CLN6: variants seen among roughly 807,000 people sequenced by gnomAD.
CLN6 encodes the protein CLN6 transmembrane ER protein, also known as ceroid-lipofuscinosis neuronal protein 6.
CLN6 carries 22 observed loss-of-function variants against 33.3 expected under a neutral mutation model. That is an observed-to-expected ratio of 0.66 (90% CI 0.47 to 0.94). The LOEUF is 0.94. Among genes scored for constraint, CLN6 ranks in the 40% least tolerant of loss-of-function variants. CLN6 has a pLI of 0.00. For missense variants in CLN6, 387 were observed against 417.1 expected, an observed-to-expected ratio of 0.93 and a Z score of 0.63; for synonymous variants, 201 against 174.6, an observed-to-expected ratio of 1.15 and a Z score of -1.19.
upstream of CLN6, among the ~76,000 whole-genome samples, chr15:68,233,754 C>T (rs1892189645): frequency 6.6e-6 from 1 of 152,162 alleles, no homozygotes; most frequent in South Asian, 2.1e-4. The surrounding 1 kb of genome is among the most constrained non-coding windows in gnomAD (Gnocchi z 4.3). Flanking sequence ...AGAGAGGCAG[C>T]CAGGAGGGGC....
intron 1 of CLN6, among the ~76,000 whole-genome samples, chr15:68,252,007 T>C (rs1892384585): frequency 7.1e-6 from 1 of 141,506 alleles, no homozygotes; most frequent in Non-Finnish European, 1.5e-5. Context: ...GGAGTCTTGG[T>C]CTGTCGCCCA....
intron 2 of CLN6, among the ~76,000 whole-genome samples, chr15:68,217,058 G>C (rs2093222420): frequency 6.6e-6 from 1 of 152,180 alleles, no homozygotes; most frequent in Non-Finnish European, 1.5e-5. Flanking sequence ...AACACATAAA[G>C]AGCTTAGAAC....
chr15:68,237,901 G>GA (rs1892237118), intron 1 of CLN6, among the ~76,000 whole-genome samples: 1 of 152,072 alleles, frequency 6.6e-6, no homozygotes, highest in African/African-American at 2.4e-5. Context: ...GAGGCGGGGG[G>GA]ATCACAAGGT....
Position 68,241,985 on chromosome 15 carries a change from C to T in CLN6, c.179+14705G>A, listed in dbSNP as rs1016148342. On this transcript the variant is annotated intron_variant, in intron 1 of 6. Coordinates refer to the CLN6 transcript ENST00000538696. The surrounding 1 kb of genome is among the most constrained non-coding windows in gnomAD (Gnocchi z 4.2). ...CCAATAAAAAGCAAAACAGGCCACA[C>T]AGAGAAGACTAGAATAAATAAATAA... is the stretch of plus-strand genomic sequence containing the variant. Among the ~76,000 whole-genome samples the T allele has an allele frequency of 6.6e-6, 1 of 152,100 alleles. No homozygotes were observed. The highest frequency in any genetic ancestry group is 2.4e-5 in the African/African-American group (1 of 41,408).
chr15:68,253,638 A>G (rs535461358), intron 1 of CLN6, among the ~76,000 whole-genome samples: 2 of 152,380 alleles, frequency 1.3e-5, no homozygotes, highest in Non-Finnish European at 2.9e-5. Flanking sequence ...ATGTTAAAAT[A>G]GCAATGCAAT....
At chr15:68,250,407 G>A (rs796785912) in intron 1 of CLN6, among the ~76,000 whole-genome samples, 2 of 151,890 alleles carry the variant, frequency 1.3e-5, no homozygotes, top group African/African-American at 4.8e-5. Flanking sequence ...CGGATCAAGA[G>A]GTCAAGAGAT....
chr15:68,224,649 G>C (rs2093247024), intron 1 of CLN6, among the ~76,000 whole-genome samples: 1 of 143,812 alleles, frequency 7.0e-6, no homozygotes, highest in South Asian at 2.2e-4. Context: ...AGATTAATCA[G>C]CACCTGCCTG....
chr15:68,208,362 G>A lies in CLN6; in HGVS notation c.714C>T (p.Phe238=), dbSNP rs772090270. ...GQIFILFIFT[F]FAMLALVLHQ... is the part of the protein sequence containing the mutation. ...GCAGGACGAGGGCCAGCATGGCGAA[G>A]AAGGTGAAGATGAAGAGGATGAAGA... is the stretch of plus-strand genomic sequence containing the variant. Residue 238 remains phenylalanine, a synonymous_variant, in exon 7 of 7, where the codon TTC becomes TTT. Coordinates refer to ENST00000249806, the MANE Select transcript of CLN6 (RefSeq NM_017882.3). This position sits in a 1 kb window ranked among gnomAD's most constrained non-coding sequence, Gnocchi z 5.8. The A allele has an allele frequency of 2.5e-6, 4 of 1,613,912 alleles. No homozygotes were observed. In the East Asian group the frequency reaches 8.9e-5, roughly 36 times the overall value.
Position 68,208,262 on chromosome 15 carries a change from G to A in CLN6, c.814C>T (p.Leu272Phe), listed in dbSNP as rs755397770. 4 of 1,614,162 alleles carry A rather than the reference G, an allele frequency of 2.5e-6. No individual in the cohort carries two copies. The highest frequency in any genetic ancestry group is 3.4e-6 in the Non-Finnish European group (4 of 1,180,048). ...LFSSFALTLL[L>F]VALWVAWLWN... ...AGCCAGGCGACCCAGAGCGCCACAA[G>A]CAAGAGGGTCAGTGCGAAGGAGGAG... The change falls in exon 7 of 7, where the codon CTT becomes TTT. Residue 272 changes from leucine to phenylalanine, a missense_variant. Leu to Phe is a conservative substitution (Grantham distance 22). Coordinates refer to ENST00000249806, the MANE Select transcript of CLN6 (RefSeq NM_017882.3). The surrounding 1 kb of genome is among the most constrained non-coding windows in gnomAD (Gnocchi z 5.8).
At chr15:68,239,875 C>T (rs1299111357) in intron 1 of CLN6, among the ~76,000 whole-genome samples, 3 of 152,172 alleles carry the variant, frequency 2.0e-5, no homozygotes, top group Admixed American at 6.5e-5. Context: ...TTTCAAGAAT[C>T]TGATTTACAT....
chr15:68,222,516 G>T (rs2093240497), intron 1 of CLN6, among the ~76,000 whole-genome samples: 1 of 142,912 alleles, frequency 7.0e-6, no homozygotes, highest in Non-Finnish European at 1.5e-5. Flanking sequence ...ACCTCTGCCT[G>T]GCCGCCCCGT....
intron 1 of CLN6, among the ~76,000 whole-genome samples, chr15:68,245,401 A>G (rs1218294461): frequency 6.6e-6 from 1 of 151,970 alleles, no homozygotes; most frequent in Non-Finnish European, 1.5e-5. Context: ...CATCTCTACA[A>G]AAAAAGTATA....
intron 1 of CLN6, among the ~76,000 whole-genome samples, chr15:68,238,439 C>T (rs1892249017): frequency 6.6e-6 from 1 of 151,564 alleles, no homozygotes; most frequent in African/African-American, 2.4e-5. Flanking sequence ...CACATCTGGA[C>T]ATGGTGTAGA....
At chr15:68,217,133 A>T (rs2141143826) in intron 2 of CLN6, among the ~76,000 whole-genome samples, 1 of 152,372 alleles carries the variant, frequency 6.6e-6, no homozygotes, top group South Asian at 2.1e-4. Context: ...TTCAGTAAAA[A>T]TGCATTAAAC....
upstream of CLN6, chr15:68,229,794 G>GGAGGGAGGCGGGGCGGAGA (rs1461976125): frequency 3.1e-4 from 50 of 158,972 alleles, 1 homozygote; most frequent in East Asian, 0.014. Context: ...CGGGGCGGAG[G>GGAGGGAGGCGGGGCGGAGA]GAGACGGGGC....
chr15:68,229,736 T>G (rs1001478557), upstream of CLN6: 1 of 385,704 alleles, frequency 2.6e-6, no homozygotes, highest in Non-Finnish European at 4.0e-6. Flanking sequence ...CAGGCGGGGC[T>G]GCGGACCCGG....
At chr15:68,230,007 C>G (rs976051361), upstream of CLN6, among the ~76,000 whole-genome samples, 5 of 152,144 alleles carry the variant, frequency 3.3e-5, no homozygotes, top group African/African-American at 9.7e-5. This position sits in a 1 kb window ranked among gnomAD's most constrained non-coding sequence, Gnocchi z 4.0. Flanking sequence ...TGGAGATAGA[C>G]TAAGCTGATT....
chr15:68,233,050 A>G (rs1439872018), upstream of CLN6, among the ~76,000 whole-genome samples: 2 of 152,148 alleles, frequency 1.3e-5, no homozygotes, highest in South Asian at 4.1e-4. This position sits in a 1 kb window ranked among gnomAD's most constrained non-coding sequence, Gnocchi z 4.3. Flanking sequence ...CTCAAAATAA[A>G]TAAATAAATA....
chr15:68,253,262 ACAG>A (rs1474668906), intron 1 of CLN6, among the ~76,000 whole-genome samples: 2 of 152,240 alleles, frequency 1.3e-5, no homozygotes, highest in African/African-American at 2.4e-5. Flanking sequence ...ATGCACAACC[ACAG>A]CATCTCAGGC....
Sources: gnomAD v4.1 joint callset for allele counts (sites outside exome capture counted in the v4.1 genomes callset) on GRCh38, gnomAD v4.1.1 for gene constraint, Gnocchi (gnomAD v3.1) non-coding constraint, MANE v1.5 for transcripts, NCBI Gene and HGNC (gene_info 2026-07-23, HGNC 2026-07-21) for gene names.